The following CCNK variants were observed in gnomAD, a reference collection of about 807,000 sequenced individuals.
CCNK encodes cyclin-K.
CCNK carries 9 observed loss-of-function variants against 65.0 expected under a neutral mutation model. That is an observed-to-expected ratio of 0.14 (90% CI 0.08 to 0.24). The LOEUF is 0.24. Among genes scored for constraint, CCNK ranks in the 10% least tolerant of loss-of-function variants. The probability of loss-of-function intolerance (pLI) is 1.00; values close to 1 mark genes in which losing one functional copy is unlikely to be tolerated. For synonymous variants in CCNK, 279 were observed against 270.8 expected, an observed-to-expected ratio of 1.03 and a Z score of -0.30; for missense variants, 474 against 720.0, an observed-to-expected ratio of 0.66 and a Z score of 3.91.
Position 99,500,677 on chromosome 14 carries a change from GAATA to G in CCNK, c.412-84_412-81del, listed in dbSNP as rs1896802616. The G allele has an allele frequency of 5.6e-5, 48 of 854,578 alleles. No homozygotes were observed. In the South Asian group the frequency reaches 6.0e-4, roughly 11 times the overall value. 52.9% of individuals were successfully genotyped at this position (854,578 alleles called of 1,614,324 possible). A position where few individuals can be genotyped will look rare whatever the true frequency, so the allele number is the denominator to read the frequency against. ...GTTGCTAAAATATAACTTGAAGAGAGAATAAATAGACAGGAAAGCTCACTTTTGT... is the reference window on the plus strand; with the variant it reads ...GTTGCTAAAATATAACTTGAAGAGAGAATAGACAGGAAAGCTCACTTTTGT... On this transcript the variant is annotated intron_variant, in intron 4 of 10. Transcript: ENST00000389879.
At position 99,502,896 on chromosome 14, in the gene CCNK, A is replaced by G; in HGVS notation, c.923A>G (p.Gln308Arg). The G allele has an allele frequency of 6.2e-7, 1 of 1,613,488 alleles. No homozygotes were observed. The stretch of plus-strand genomic sequence containing the variant: ...TCCCAGCCCCAGCAGAAGGACCCCC[A>G]GCAACCAGCCCAGCAGCAGCAGCCA... ...EPSQPQQKDP[Q>R]QPAQQQQPAQ... The change falls in exon 8 of 11, where the codon CAG becomes CGG. Residue 308 changes from glutamine (Q) to arginine (R), a missense_variant. Gln to Arg is a conservative substitution (Grantham distance 43). This residue lies in a region of CCNK where 229 missense variants were observed against 275.5 expected (regional missense o/e 0.83). Transcript: ENST00000389879.
At chr14:99,488,128 A>T (rs1896529882) in intron 1 of CCNK, among the ~76,000 whole-genome samples, 1 of 152,206 alleles carries the variant, frequency 6.6e-6, no homozygotes, top group South Asian at 2.1e-4. Flanking sequence ...TTCAGCCTTC[A>T]TCTGCTAAGA....
In CCNK at chr14:99,495,637, T is replaced by A; in HGVS notation, c.411+8T>A. On this transcript the variant is annotated splice_region_variant and intron_variant, in intron 4 of 10. Transcript: ENST00000389879. ...TTTGGAGATGACCCAAAGGTAAGAA[T>A]GATAATAACTTCCTGCCTTCTGGTC... is the stretch of plus-strand genomic sequence containing the variant. 6.3e-7 allele frequency: 1 copy of A among 1,598,636 alleles called. No individual in the cohort carries two copies. Among genetic ancestry groups the A allele is most frequent in the South Asian group, 1.1e-5 (1 of 88,172 alleles).
At chr14:99,507,004 C>A in intron 9 of CCNK, 72 bp from the exon 10 acceptor site, 1 of 921,144 alleles carries the variant, frequency 1.1e-6, no homozygotes, top group Non-Finnish European at 1.8e-6. Flanking sequence ...TCTGCCAGTA[C>A]ATTTTTCTTT....
intron 1 of CCNK, among the ~76,000 whole-genome samples, chr14:99,487,682 G>A (rs1158849347): frequency 1.3e-5 from 2 of 152,206 alleles, no homozygotes; most frequent in Non-Finnish European, 2.9e-5. Flanking sequence ...AGTTATCTTT[G>A]GGAGGATAGT....
chr14:99,501,715 T>G, intron 6 of CCNK: 1 of 345,122 alleles, frequency 2.9e-6, no homozygotes, highest in Admixed American at 4.6e-5. Context: ...CCCATTTGGT[T>G]TTGCAAAAAT....
intron 1 of CCNK, among the ~76,000 whole-genome samples, chr14:99,488,422 G>C (rs1896537436): frequency 6.6e-6 from 1 of 152,142 alleles, no homozygotes; most frequent in South Asian, 2.1e-4. Flanking sequence ...TTGTTGAGTA[G>C]AGTGTCTCAC....
intron 10 of CCNK, chr14:99,508,535 G>A (rs1897032637): frequency 6.6e-6 from 1 of 152,514 alleles, no homozygotes; most frequent in African/African-American, 2.4e-5. Flanking sequence ...AAGAGAGCAG[G>A]GCCTGGGAGG....
At chr14:99,506,940 T>C (rs1896990064) in intron 9 of CCNK, 136 bp from the exon 10 acceptor site, 2 of 708,234 alleles carry the variant, frequency 2.8e-6, no homozygotes, top group Non-Finnish European at 5.2e-6. Flanking sequence ...TGAAACCTTC[T>C]TCAAGTTCCC....
At chr14:99,492,445 A>C in intron 1 of CCNK, 181 bp from the exon 2 acceptor site, 1 of 488,414 alleles carries the variant, frequency 2.0e-6, no homozygotes, top group African/African-American at 2.0e-5. Context: ...TAATATTAGT[A>C]CTGGGGTCAT....
At chr14:99,506,990 A>T in intron 9 of CCNK, 86 bp from the exon 10 acceptor site, 1 of 860,926 alleles carries the variant, frequency 1.2e-6, no homozygotes, top group Non-Finnish European at 2.0e-6. Context: ...CTCCCAAAGA[A>T]ATCTCTGCCA....
intron 1 of CCNK, chr14:99,491,850 GTC>G (rs1353178622): frequency 6.6e-6 from 1 of 152,206 alleles, no homozygotes; most frequent in Non-Finnish European, 1.5e-5. Flanking sequence ...AGTATCTGCT[GTC>G]TCTGATCCAG....
At chr14:99,505,156 A>G (rs3918096) in intron 9 of CCNK, 4 of 152,278 alleles carry the variant, frequency 2.6e-5, no homozygotes, top group African/African-American at 9.6e-5. Context: ...CAGAGTCTAA[A>G]TTCATTTGAG....
chr14:99,495,141 T>A (rs1173271667), intron 3 of CCNK: 1 of 188,092 alleles, frequency 5.3e-6, no homozygotes, highest in African/African-American at 2.4e-5. Context: ...CGGGACTGTG[T>A]TTAGTTGTGC....
chr14:99,493,618 A>C, intron 3 of CCNK, 23 bp downstream of exon 3: 1 of 1,444,140 alleles, frequency 6.9e-7, no homozygotes, highest in South Asian at 1.2e-5. Flanking sequence ...ATTTTATTGT[A>C]ATTCTCTGTC....
At chr14:99,502,579 C>G in intron 7 of CCNK, 140 bp from the exon 8 acceptor site, 1 of 1,197,778 alleles carries the variant, frequency 8.3e-7, no homozygotes. Flanking sequence ...ACCAGTGTTG[C>G]ACACAACGAA....
intron 4 of CCNK, among the ~76,000 whole-genome samples, chr14:99,496,880 T>C (rs1462791981): frequency 3.4e-5 from 5 of 148,220 alleles, no homozygotes; most frequent in Admixed American, 6.8e-5. Context: ...GCTACTGCAC[T>C]CCAGCCAGGA....
intron 4 of CCNK, among the ~76,000 whole-genome samples, chr14:99,497,164 C>G (rs1054473790): frequency 6.6e-6 from 1 of 151,998 alleles, no homozygotes. Flanking sequence ...TTTGGACATA[C>G]GTATAGTAAC....
chr14:99,484,724 A>C (rs1208730605), intron 1 of CCNK, among the ~76,000 whole-genome samples: 1 of 152,248 alleles, frequency 6.6e-6, no homozygotes, highest in Non-Finnish European at 1.5e-5. Context: ...GCAATGCCAT[A>C]GGCTGTTTTG....
Sources: gnomAD v4.1 joint callset for allele counts (sites outside exome capture counted in the v4.1 genomes callset) on GRCh38, gnomAD v4.1.1 for gene constraint, gnomAD v4.1.1 regional missense constraint, MANE v1.5 for transcripts, NCBI Gene and HGNC (gene_info 2026-07-23, HGNC 2026-07-21) for gene names.